NOP9: variants seen among roughly 807,000 people sequenced by gnomAD.
The protein encoded by NOP9 is nucleolar protein 9.
Under a neutral mutation model 63.0 loss-of-function variants are expected in NOP9, and 50 were observed. That is an observed-to-expected ratio of 0.79 (90% confidence interval 0.63 to 1.00). NOP9 has a LOEUF of 1.00. Ranked by LOEUF, NOP9 falls within the 50% of genes least tolerant of loss-of-function variation. The probability of loss-of-function intolerance (pLI) is 0.00; values close to 1 mark genes in which losing one functional copy is unlikely to be tolerated. For synonymous variants in NOP9, 343 were observed against 332.8 expected, an observed-to-expected ratio of 1.03 and a Z score of -0.33; for missense variants, 758 against 803.0, an observed-to-expected ratio of 0.94 and a Z score of 0.68.
chr14:24,279,822 T>TTGGGCATA, the NOP9 span, among the ~76,000 whole-genome samples: 2 of 152,134 alleles, frequency 1.3e-5, no homozygotes, highest in African/African-American at 4.8e-5. Context: ...ACATTCGGTT[T>TTGGGCATA]TGGGCATATA....
At position 24,299,943 on chromosome 14, in the gene NOP9, C is replaced by T. The variant is rs370434655; in HGVS notation, c.-12C>T. On this transcript the variant is annotated 5_prime_UTR_variant, in exon 1 of 10. Transcript: ENST00000267425. ...AGGAAGCTTTTGCAGCCGGACAGGTCGCGAAGCACACATGGGGCAGGGTCC... is the reference window on the plus strand; with the variant it reads ...AGGAAGCTTTTGCAGCCGGACAGGTTGCGAAGCACACATGGGGCAGGGTCC... The T allele has an allele frequency of 6.6e-7, 1 of 1,525,004 alleles. No individual in the cohort carries two copies. Among genetic ancestry groups the T allele is most frequent in the Non-Finnish European group, 8.8e-7 (1 of 1,137,534 alleles). 94.5% of individuals were successfully genotyped at this position (1,525,004 alleles called of 1,614,324 possible).
the NOP9 span, among the ~76,000 whole-genome samples, chr14:24,289,241 C>T: frequency 6.6e-6 from 1 of 152,176 alleles, no homozygotes; most frequent in Non-Finnish European, 1.5e-5. Context: ...CTCGGCCTCC[C>T]AAAGTGCTGG....
At position 24,302,256 on chromosome 14, in the gene NOP9, T is replaced by G. The variant is rs1200090514; in HGVS notation, c.975T>G (p.Asp325Glu). 1.9e-6 allele frequency: 3 copies of G among 1,613,318 alleles called. No individual in the cohort carries two copies. The South Asian group carries it at 3.3e-5, about 18-fold the overall frequency. Residue 325 changes from aspartate (D) to glutamate (E), a missense_variant, in exon 5 of 10, where the codon GAT becomes GAG. Coordinates refer to ENST00000267425, the MANE Select transcript of NOP9 (RefSeq NM_174913.3). ...DGSPLLLFLRDQTSSRLLEQV... is the reference protein window; with the variant it reads ...DGSPLLLFLREQTSSRLLEQV... ...GTCCCCTACTGCTATTTCTCCGAGA[T>G]CAGACGAGTTCCAGACTCCTGGAGC...
chr14:24,291,231 C>T, the NOP9 span: 1 of 1,613,986 alleles, frequency 6.2e-7, no homozygotes, highest in South Asian at 1.1e-5. Context: ...TGCGGGCACA[C>T]AGACAGGTGG....
chr14:24,300,326 C>G, intron 1 of NOP9, 82 bp from the exon 2 acceptor site: 1 of 1,550,996 alleles, frequency 6.4e-7, no homozygotes, highest in Non-Finnish European at 8.8e-7. Flanking sequence ...CGGCCTCCGA[C>G]CCACGACCCT....
At chr14:24,294,909 G>C (rs1357377559), upstream of NOP9, among the ~76,000 whole-genome samples, 1 of 152,330 alleles carries the variant, frequency 6.6e-6, no homozygotes, top group East Asian at 1.9e-4. Context: ...TGGTGTGGTA[G>C]AGGACATGGG....
upstream of NOP9, chr14:24,299,491 G>A (rs2041326157): frequency 4.7e-6 from 1 of 215,004 alleles, no homozygotes; most frequent in African/African-American, 2.3e-5. Flanking sequence ...GACCCAGTCC[G>A]GCTGAGCCAG....
chr14:24,293,000 GGAA>G, the NOP9 span: 1 of 532,346 alleles, frequency 1.9e-6, no homozygotes, highest in East Asian at 3.4e-5. Context: ...AGCAATCTTT[GGAA>G]GAAGAAATGG....
chr14:24,302,288 T>C lies in NOP9; in HGVS notation c.1007T>C (p.Leu336Pro). 3 of 1,614,212 alleles carry C rather than the reference T, an allele frequency of 1.9e-6. No individual in the cohort carries two copies. Among genetic ancestry groups the C allele is most frequent in the Non-Finnish European group, 2.5e-6 (3 of 1,180,020 alleles). ...AGTTCCAGACTCCTGGAGCAGGTCC[T>C]GCTGGTGTTGGAGCCCCCAAGACTC... Reference protein sequence around the residue: ...QTSSRLLEQVLLVLEPPRLQS... With the variant: ...QTSSRLLEQVPLVLEPPRLQS... The change falls in exon 5 of 10, where the codon CTG becomes CCG. Residue 336 changes from leucine (L) to proline (P), a missense_variant. Coordinates refer to ENST00000267425, the MANE Select transcript of NOP9 (RefSeq NM_174913.3).
At position 24,304,240 on chromosome 14, in the gene NOP9, C is replaced by CG; in HGVS notation, c.1611dup (p.Arg538AlafsTer21). Reference sequence around the variant, plus strand: ...GCCATCCTGACCAGCCCCTCTGTGACGCGCAAGCTGCGCCGCCGTGTGCTG... The same window carrying CG: ...GCCATCCTGACCAGCCCCTCTGTGACGGCGCAAGCTGCGCCGCCGTGTGCTG... On this transcript the variant is annotated frameshift_variant, in exon 8 of 10. Transcript: ENST00000267425. LOFTEE classifies it high-confidence loss of function. 6.2e-7 allele frequency: 1 copy of CG among 1,614,056 alleles called. No individual in the cohort carries two copies. The highest frequency in any genetic ancestry group is 1.1e-5 in the South Asian group (1 of 91,084).
upstream of NOP9, chr14:24,299,233 G>T: frequency 8.9e-7 from 1 of 1,126,898 alleles, no homozygotes; most frequent in Non-Finnish European, 1.2e-6. Flanking sequence ...AAGAGGAGGA[G>T]CCAAGGTAAG....
intron 3 of NOP9, 79 bp downstream of exon 3, chr14:24,301,801 A>G: frequency 6.5e-7 from 1 of 1,528,266 alleles, no homozygotes; most frequent in Non-Finnish European, 9.1e-7. Context: ...CCCTTACCTC[A>G]GGTTATTCCT....
chr14:24,285,321 C>T, the NOP9 span, among the ~76,000 whole-genome samples: 2 of 152,216 alleles, frequency 1.3e-5, no homozygotes. Context: ...GTCACACTTT[C>T]CTCTTACCCT....
chr14:24,301,857 T>G, intron 3 of NOP9, 108 bp from the exon 4 acceptor site: 1 of 1,445,794 alleles, frequency 6.9e-7, no homozygotes, highest in East Asian at 2.3e-5. Flanking sequence ...GCACTTTGTA[T>G]AGTCCCTTTG....
At chr14:24,290,312 G>A in the NOP9 span, among the ~76,000 whole-genome samples, 1 of 152,250 alleles carries the variant, frequency 6.6e-6, no homozygotes, top group African/African-American at 2.4e-5. Context: ...CTCAGCCAGA[G>A]ATCAGGCCCA....
the NOP9 span, chr14:24,291,227 C>G: frequency 6.2e-7 from 1 of 1,614,062 alleles, no homozygotes; most frequent in Non-Finnish European, 8.5e-7. Flanking sequence ...GATCTGCGGG[C>G]ACACAGACAG....
At chr14:24,299,298 C>A, upstream of NOP9, 1 of 598,722 alleles carries the variant, frequency 1.7e-6, no homozygotes, top group Non-Finnish European at 2.9e-6. Context: ...GGCCTGAGGA[C>A]AAGGCTGACT....
At chr14:24,281,805 G>C in the NOP9 span, among the ~76,000 whole-genome samples, 2 of 152,150 alleles carry the variant, frequency 1.3e-5, no homozygotes, top group African/African-American at 4.8e-5. Flanking sequence ...GAAGAGTAAG[G>C]CTCAATGTGG....
chr14:24,297,154 A>G (rs2041264435), upstream of NOP9, among the ~76,000 whole-genome samples: 1 of 152,242 alleles, frequency 6.6e-6, no homozygotes, highest in African/African-American at 2.4e-5. Context: ...ACAGCATTGT[A>G]CTTTGCAAGT....
Sources: allele counts gnomAD v4.1 joint callset (sites outside exome capture counted in the v4.1 genomes callset), GRCh38; gene constraint gnomAD v4.1.1; transcripts MANE v1.5; gene names NCBI Gene and HGNC (gene_info 2026-07-23, HGNC 2026-07-21).